Variants in DCC observed in about 807,000 individuals in gnomAD.
The protein encoded by DCC is netrin receptor DCC.
DCC carries 58 observed loss-of-function variants against 172.5 expected under a neutral mutation model. The ratio of observed to expected loss-of-function variants is 0.34; its 90% CI spans 0.27 to 0.42. DCC has a LOEUF of 0.42. DCC is among the 10% of genes least tolerant of loss of function. The pLI is 1.00. For synonymous variants in DCC, 709 were observed against 644.5 expected, an observed-to-expected ratio of 1.10 and a Z score of -1.52; for missense variants, 1,740 against 1,791.0, an observed-to-expected ratio of 0.97 and a Z score of 0.51.
At chr18:52,549,190 T>C (rs1191788642) in intron 1 of DCC, among the ~76,000 whole-genome samples, 2 of 152,086 alleles carry the variant, frequency 1.3e-5, no homozygotes, top group Non-Finnish European at 2.9e-5. Context: ...AGAGAATATA[T>C]AGATAAAAAT....
intron 5 of DCC, among the ~76,000 whole-genome samples, chr18:53,020,671 G>A (rs2041867627): frequency 6.6e-6 from 1 of 152,036 alleles, no homozygotes; most frequent in Non-Finnish European, 1.5e-5. Flanking sequence ...TACTATAATT[G>A]CATCTTCTCA....
intron 2 of DCC, among the ~76,000 whole-genome samples, chr18:52,793,598 C>T (rs2037816946): frequency 1.3e-5 from 2 of 152,112 alleles, no homozygotes; most frequent in South Asian, 4.1e-4. Flanking sequence ...GTTGTGTCTT[C>T]ACTCTGTTGA....
At chr18:52,934,763 C>T (rs973423385) in intron 5 of DCC, 2 of 152,006 alleles carry the variant, frequency 1.3e-5, no homozygotes, top group Admixed American at 6.6e-5. Flanking sequence ...GGAATAATGC[C>T]CTTTTAAGAA....
chr18:52,385,330 C>CA (rs1268149960), intron 1 of DCC, among the ~76,000 whole-genome samples: 4 of 151,484 alleles, frequency 2.6e-5, no homozygotes, highest in Non-Finnish European at 5.9e-5. Context: ...GGCTGGAGTG[C>CA]AGTGGCATGA....
chr18:52,878,169 A>C (rs1477041736), intron 2 of DCC, among the ~76,000 whole-genome samples: 1 of 152,118 alleles, frequency 6.6e-6, no homozygotes, highest in Non-Finnish European at 1.5e-5. Flanking sequence ...CACAGTTCAC[A>C]CTTAACTGTG....
intron 21 of DCC, among the ~76,000 whole-genome samples, chr18:53,425,356 T>C (rs1838878391): frequency 9.0e-6 from 1 of 111,612 alleles, no homozygotes; most frequent in African/African-American, 3.0e-5. Flanking sequence ...GTTTCTCCTC[T>C]CTTTTTTTTT....
chr18:52,824,178 G>T (rs2038462753), intron 2 of DCC, among the ~76,000 whole-genome samples: 1 of 152,106 alleles, frequency 6.6e-6, no homozygotes, highest in Admixed American at 6.5e-5. Context: ...GAAATACGCT[G>T]GTTTTCAATA....
chr18:52,837,757 C>T (rs756497945), intron 2 of DCC, among the ~76,000 whole-genome samples: 2 of 152,186 alleles, frequency 1.3e-5, no homozygotes, highest in Non-Finnish European at 2.9e-5. Flanking sequence ...ATAGCTGCAC[C>T]TTATTTATGA....
intron 12 of DCC, among the ~76,000 whole-genome samples, chr18:53,256,880 G>T (rs1030097181): frequency 4.6e-5 from 7 of 152,096 alleles, no homozygotes; most frequent in Admixed American, 1.3e-4. Context: ...TATCCTCTTT[G>T]ATTTCATTGA....
chr18:52,769,901 CA>C (rs1326420467), intron 2 of DCC, among the ~76,000 whole-genome samples: 1 of 152,128 alleles, frequency 6.6e-6, no homozygotes, highest in Non-Finnish European at 1.5e-5. Flanking sequence ...GCTATATTTT[CA>C]AAACATTTTT....
intron 7 of DCC, among the ~76,000 whole-genome samples, chr18:53,130,613 G>A (rs1172212357): frequency 2.0e-5 from 3 of 152,066 alleles, no homozygotes; most frequent in African/African-American, 4.8e-5. Context: ...AGAGCAGGGT[G>A]TGCCTAACAC....
intron 2 of DCC, among the ~76,000 whole-genome samples, chr18:52,846,310 C>G (rs9956515): frequency 0.46 from 70,558 of 151,786 alleles, 16,623 homozygotes; most frequent in South Asian, 0.55. Flanking sequence ...GGGAAGCTGA[C>G]GCAGGCAGAT....
intron 8 of DCC, among the ~76,000 whole-genome samples, chr18:53,168,887 T>A (rs555434107): frequency 2.6e-5 from 4 of 152,186 alleles, no homozygotes; most frequent in Admixed American, 1.3e-4. Context: ...ATCTCATTAA[T>A]CTAGAATGGC....
chr18:52,852,087 TAA>T (rs1365614689), intron 2 of DCC, among the ~76,000 whole-genome samples: 1 of 152,144 alleles, frequency 6.6e-6, no homozygotes. Flanking sequence ...AAGTTTAACT[TAA>T]AATTGGCATC....
At chr18:52,892,727 T>C (rs1224608302) in intron 2 of DCC, among the ~76,000 whole-genome samples, 1 of 152,192 alleles carries the variant, frequency 6.6e-6, no homozygotes, top group African/African-American at 2.4e-5. Flanking sequence ...TTAAACAAGT[T>C]TTGATTTTTT....
chr18:52,557,726 C>T lies in DCC; in HGVS notation c.92-194328C>T, dbSNP rs1003405412. ...TCAGGCTGGAGTTCAGTGGTGTCAC[C>T]CTGGTTCACTGCAACTTCTGCCTCC... On this transcript the variant is annotated intron_variant, in intron 1 of 28. Transcript: ENST00000442544. Among the ~76,000 whole-genome samples the T allele has an allele frequency of 3.3e-5, 5 of 152,158 alleles. No individual in the cohort carries two copies. The East Asian group carries it at 9.6e-4, about 29-fold the overall frequency.
At chr18:53,035,174 G>A (rs977181550) in intron 5 of DCC, among the ~76,000 whole-genome samples, 2 of 151,814 alleles carry the variant, frequency 1.3e-5, no homozygotes, top group African/African-American at 4.8e-5. Context: ...GTGTGTGTGT[G>A]TGTGTGTGTG....
intron 2 of DCC, among the ~76,000 whole-genome samples, chr18:52,797,486 T>C (rs563160697): frequency 6.6e-6 from 1 of 152,348 alleles, no homozygotes; most frequent in Non-Finnish European, 1.5e-5. Flanking sequence ...GGTATAGCAG[T>C]GTAGTCTTTG....
chr18:52,861,579 A>G (rs1598876383), intron 2 of DCC, among the ~76,000 whole-genome samples: 1 of 152,354 alleles, frequency 6.6e-6, no homozygotes, highest in East Asian at 1.9e-4. Flanking sequence ...AGAGCACCCA[A>G]TTGTTGTAAG....
Sources: allele counts gnomAD v4.1 joint callset (sites outside exome capture counted in the v4.1 genomes callset), GRCh38; gene constraint gnomAD v4.1.1; transcripts MANE v1.5; gene names NCBI Gene and HGNC (gene_info 2026-07-23, HGNC 2026-07-21).